Variants in ATRIP observed in about 807,000 individuals in gnomAD.
The protein encoded by ATRIP is ATR interacting protein, also known as ATR-interacting protein.
ATRIP carries 44 observed loss-of-function variants against 78.1 expected under a neutral mutation model. The observed-to-expected ratio is 0.56, with a 90% confidence interval of 0.44 to 0.72. ATRIP has a LOEUF of 0.72. Among genes scored for constraint, ATRIP ranks in the 30% least tolerant of loss-of-function variants. ATRIP has a pLI of 0.00. For synonymous variants in ATRIP, 388 were observed against 408.9 expected, an observed-to-expected ratio of 0.95 and a Z score of 0.62; for missense variants, 927 against 980.2, an observed-to-expected ratio of 0.95 and a Z score of 0.72.
At chr3:48,456,881 A>C (rs2039968362) in intron 4 of ATRIP, among the ~76,000 whole-genome samples, 1 of 152,196 alleles carries the variant, frequency 6.6e-6, no homozygotes, top group Non-Finnish European at 1.5e-5. Context: ...AAAAATGAGT[A>C]AAAGAATTTT....
Position 48,447,609 on chromosome 3 carries a change from A to G in ATRIP, c.247+517A>G, listed in dbSNP as rs1196856284. ...GTGAGGAACTGCAGCTGACCTTACA[A>G]TGAACAAAATACAAAAACTGTCCTT... On this transcript the variant is annotated intron_variant, in intron 1 of 12. Transcript: ENST00000320211. The G allele has an allele frequency of 4.5e-6, 4 of 884,204 alleles. No homozygotes were observed. In the South Asian group the frequency reaches 1.6e-4, roughly 34 times the overall value. The allele number at this position is 884,204 out of a possible 1,614,324, so 54.8% of individuals were successfully genotyped here. A position where few individuals can be genotyped will look rare whatever the true frequency, so the allele number is the denominator to read the frequency against.
Position 48,450,133 on chromosome 3 carries a change from A to G in ATRIP, c.344A>G (p.Glu115Gly). 6.2e-7 allele frequency: 1 copy of G among 1,612,852 alleles called. No homozygotes were observed. The change falls in exon 2 of 13, where the codon GAG becomes GGG. Residue 115 changes from glutamate (E) to glycine (G), a missense_variant. Transcript: ENST00000320211. ...TVPIKDNFELEVLQAQYKELK... is the reference protein window; with the variant it reads ...TVPIKDNFELGVLQAQYKELK... Reference sequence around the variant, plus strand: ...CCAATTAAAGATAATTTCGAATTAGAGGTACTTCAGGCACAATACAAAGAA... The same window carrying G: ...CCAATTAAAGATAATTTCGAATTAGGGGTACTTCAGGCACAATACAAAGAA...
At chr3:48,464,287 C>T (rs1198781299) in intron 10 of ATRIP, among the ~76,000 whole-genome samples, 155 bp downstream of exon 10, 1 of 152,182 alleles carries the variant, frequency 6.6e-6, no homozygotes. Flanking sequence ...AGTTTGGGGG[C>T]TGTGCACCAC....
Position 48,459,786 on chromosome 3 carries a change from G to C in ATRIP, c.926-1G>C. 3 of 1,610,182 alleles carry C rather than the reference G, an allele frequency of 1.9e-6. No individual in the cohort carries two copies. The Middle Eastern group carries it at 5.0e-4, about 267-fold the overall frequency. On this transcript the variant is annotated splice_acceptor_variant, in intron 6 of 12. Transcript: ENST00000320211. LOFTEE classifies it high-confidence loss of function. ...TTCTAGAGTCATCTTGTCTTCTGCA[G>C]GTTCCATTTTGATAAACCTGCTCCT...
At chr3:48,452,708 G>A (rs1415139511) in intron 3 of ATRIP, among the ~76,000 whole-genome samples, 1 of 151,742 alleles carries the variant, frequency 6.6e-6, no homozygotes, top group Non-Finnish European at 1.5e-5. Context: ...AAAAGACTTA[G>A]GCTCCCTCAT....
chr3:48,466,496 C>A lies in ATRIP; in HGVS notation c.*942C>A, dbSNP rs1466176045. 1 of 1,613,860 alleles carries A rather than the reference C, an allele frequency of 6.2e-7. No individual in the cohort carries two copies. The highest frequency in any genetic ancestry group is 8.5e-7 in the Non-Finnish European group (1 of 1,180,010). ...CTCCAACTTCCTGCCTGAAAATGGGCCCTGGAGCTCGCAGACAGGGCAGGA... is the reference window on the plus strand; with the variant it reads ...CTCCAACTTCCTGCCTGAAAATGGGACCTGGAGCTCGCAGACAGGGCAGGA... On this transcript the variant is annotated 3_prime_UTR_variant, in exon 13 of 13. Coordinates refer to ENST00000320211, the MANE Select transcript of ATRIP (RefSeq NM_130384.3).
In ATRIP at chr3:48,454,300, C is replaced by T. The variant is rs2039902200; in HGVS notation, c.553C>T (p.Leu185Phe). Residue 185 changes from leucine (L) to phenylalanine (F), a missense_variant and splice_region_variant, in exon 4 of 13, where the codon CTC becomes TTC. Physicochemically the swap from Leu to Phe is conservative, Grantham distance 22. Coordinates refer to ENST00000320211, the MANE Select transcript of ATRIP (RefSeq NM_130384.3). The part of the protein sequence containing the change: ...SDKEKEFSKK[L>F]QSLQSELQFK... ...CAAGCATGTTTCTTTTGCCTTCCAG[C>T]TCCAATCATTGCAGTCTGAACTCCA... 1.9e-6 allele frequency: 3 copies of T among 1,594,580 alleles called. No individual in the cohort carries two copies. In the East Asian group the frequency reaches 6.7e-5, roughly 36 times the overall value.
At chr3:48,460,909 A>G (rs2040088543) in intron 8 of ATRIP, 110 bp downstream of exon 8, 1 of 1,096,380 alleles carries the variant, frequency 9.1e-7, no homozygotes, top group Admixed American at 2.7e-5. Flanking sequence ...TACACTAGTT[A>G]GTTCTAAGGC....
chr3:48,459,359 A>G lies in ATRIP; in HGVS notation c.830A>G (p.Asp277Gly), dbSNP rs903963597. 1.2e-6 allele frequency: 2 copies of G among 1,613,380 alleles called. No individual in the cohort carries two copies. Among genetic ancestry groups the G allele is most frequent in the Admixed American group, 1.7e-5 (1 of 60,002 alleles). ...SGYKPLVGRE[D>G]SKPHSLRGDS... The stretch of plus-strand genomic sequence containing the variant: ...TGATTTACATTTTATCACATTTCAG[A>G]TAGTAAGCCCCACAGTCTGAGAGGT... Residue 277 changes from aspartate (D) to glycine (G), a missense_variant and splice_region_variant, in exon 6 of 13, where the codon GAT becomes GGT. Coordinates refer to ENST00000320211, the MANE Select transcript of ATRIP (RefSeq NM_130384.3).
At chr3:48,457,551 A>T (rs1350999420) in intron 5 of ATRIP, 135 bp downstream of exon 5, 2 of 656,830 alleles carry the variant, frequency 3.0e-6, no homozygotes, top group African/African-American at 3.8e-5. Context: ...CTCTGCAGGG[A>T]CTGGAATCAC....
chr3:48,466,663 C>A lies in ATRIP; in HGVS notation c.*1109C>A. 8 of 1,614,040 alleles carry A rather than the reference C, an allele frequency of 5.0e-6. No homozygotes were observed. The highest frequency in any genetic ancestry group is 6.8e-6 in the Non-Finnish European group (8 of 1,179,970). On this transcript the variant is annotated 3_prime_UTR_variant, in exon 13 of 13. Coordinates refer to ENST00000320211, the MANE Select transcript of ATRIP (RefSeq NM_130384.3). ...GCAGGTACGTACCCAACCATGGGCTCGCAGGCCCTGCCCCCGGGGCCCATG... is the reference window on the plus strand; with the variant it reads ...GCAGGTACGTACCCAACCATGGGCTAGCAGGCCCTGCCCCCGGGGCCCATG...
Position 48,460,166 on chromosome 3 carries a change from C to G in ATRIP, c.1112C>G (p.Ser371Cys), listed in dbSNP as rs925406672. 6 of 1,613,840 alleles carry G rather than the reference C, an allele frequency of 3.7e-6. No individual in the cohort carries two copies. In the African/African-American group the frequency reaches 6.7e-5, roughly 18 times the overall value. ...RTTGSYDGSFSLSALREAQNL... is the reference protein window; with the variant it reads ...RTTGSYDGSFCLSALREAQNL... The stretch of plus-strand genomic sequence containing the variant: ...ACAGGTTCTTATGATGGGTCATTTT[C>G]CCTCTCAGCCCTGAGAGAAGCACAG... The change falls in exon 8 of 13, where the codon TCC becomes TGC. Residue 371 changes from serine to cysteine, a missense_variant. Ser to Cys is a moderately radical substitution (Grantham distance 112). Transcript: ENST00000320211.
rs765487326 is a variant in ATRIP at position 48,465,474 on chromosome 3, C to CT, written c.2309-8dup. On this transcript the variant is annotated splice_polypyrimidine_tract_variant and intron_variant, in intron 12 of 12. Transcript: ENST00000320211. The stretch of plus-strand genomic sequence containing the variant: ...TTTGGGCCCTCACCAGGAACCTCTC[C>CT]TTTTTGTCTCAGAGGCAGCCCTGGA... 1.3e-5 allele frequency: 21 copies of CT among 1,613,270 alleles called. 1 individual carries two copies. In the South Asian group the frequency reaches 1.4e-4, roughly 11 times the overall value.
rs1019604586 is a variant in ATRIP at position 48,459,719 on chromosome 3, T to C, written c.926-68T>C. ...TTGGCATCCAAAGAATCCTTACTGT[T>C]TCCTTCTGAAAGCCACCGAAAAGAT... is the stretch of plus-strand genomic sequence containing the variant. On this transcript the variant is annotated intron_variant, in intron 6 of 12. Coordinates refer to ENST00000320211, the MANE Select transcript of ATRIP (RefSeq NM_130384.3). 1.9e-6 allele frequency: 3 copies of C among 1,578,568 alleles called. No homozygotes were observed. In the African/African-American group the frequency reaches 4.1e-5, roughly 22 times the overall value.
rs1380324203 is a variant in ATRIP, at chr3:48,446,797, C to T, written c.-49C>T. ...TTGGTCCAGTTCTCCGGCCTGGCGGCAGGCAAGTCTAGCTCGGCGCTGTCG... is the reference window on the plus strand; with the variant it reads ...TTGGTCCAGTTCTCCGGCCTGGCGGTAGGCAAGTCTAGCTCGGCGCTGTCG... On this transcript the variant is annotated 5_prime_UTR_variant, in exon 1 of 13. Coordinates refer to ENST00000320211, the MANE Select transcript of ATRIP (RefSeq NM_130384.3). 1.5e-6 allele frequency: 2 copies of T among 1,358,724 alleles called. No homozygotes were observed. The highest frequency in any genetic ancestry group is 1.5e-5 in the African/African-American group (1 of 66,200). The allele number at this position is 1,358,724 out of a possible 1,614,324, so 84.2% of individuals were successfully genotyped here.
chr3:48,447,554 C>A (rs1419110962), intron 1 of ATRIP: 1 of 985,490 alleles, frequency 1.0e-6, no homozygotes, highest in African/African-American at 1.7e-5. Context: ...TTCTTTTATA[C>A]AACCAGTAAA....
At chr3:48,457,494 C>G in intron 5 of ATRIP, 78 bp downstream of exon 5, 1 of 1,185,294 alleles carries the variant, frequency 8.4e-7, no homozygotes, top group Non-Finnish European at 1.1e-6. Flanking sequence ...TTTATTTTCT[C>G]CCAATTTCTG....
At position 48,467,438 on chromosome 3, in the gene ATRIP, T is replaced by C. The variant is rs777940292; in HGVS notation, c.*1884T>C. 34 of 1,614,070 alleles carry C rather than the reference T, an allele frequency of 2.1e-5. No individual in the cohort carries two copies. Among genetic ancestry groups the C allele is most frequent in the Non-Finnish European group, 2.7e-5 (32 of 1,179,992 alleles). On this transcript the variant is annotated 3_prime_UTR_variant, in exon 13 of 13. Coordinates refer to ENST00000320211, the MANE Select transcript of ATRIP (RefSeq NM_130384.3). ...ACCTGGCCACAACCAGGAACACTAG[T>C]CCCAGCCTTGGAGAGAGCAGGGGTA... is the stretch of plus-strand genomic sequence containing the variant.
intron 1 of ATRIP, chr3:48,447,358 T>TCTTG: frequency 8.8e-7 from 1 of 1,141,530 alleles, no homozygotes; most frequent in Non-Finnish European, 1.1e-6. Context: ...GCCACTTGGT[T>TCTTG]CTTGGTTCTA....
Sources: allele counts gnomAD v4.1 joint callset (sites outside exome capture counted in the v4.1 genomes callset), GRCh38; gene constraint gnomAD v4.1.1; transcripts MANE v1.5; gene names NCBI Gene and HGNC (gene_info 2026-07-23, HGNC 2026-07-21).